UBAP2: variants seen among roughly 807,000 people sequenced by gnomAD.
UBAP2 encodes ubiquitin-associated protein 2.
A neutral mutation model predicts 139.6 loss-of-function variants in UBAP2; 75 were observed. The ratio of observed to expected loss-of-function variants is 0.54; its 90% CI spans 0.45 to 0.65. The LOEUF is 0.65. UBAP2 is among the 30% of genes least tolerant of loss of function. The pLI is 0.00. For missense variants in UBAP2, 1,368 were observed against 1,369.6 expected (o/e 1.00, Z 0.02); for synonymous variants, 526 against 526.2 (o/e 1.00, Z 0.01).
intron 1 of UBAP2, among the ~76,000 whole-genome samples, chr9:34,038,567 T>C (rs1826685534): frequency 6.6e-6 from 1 of 152,210 alleles, no homozygotes; most frequent in Non-Finnish European, 1.5e-5. Context: ...TTGCAGACAG[T>C]GTCTCATTAA....
In UBAP2 at chr9:33,944,415, G is replaced by C; in HGVS notation, c.1495C>G (p.Gln499Glu). ...TTAGCAAGTTTGATGTGTTTGGGCTGTGGCTGGTGGACAGACACAGAGATA... is the reference window on the plus strand; with the variant it reads ...TTAGCAAGTTTGATGTGTTTGGGCTCTGGCTGGTGGACAGACACAGAGATA... ...ENISVSVHQP[Q>E]PKHIKLAKRR... Residue 499 changes from glutamine to glutamate, a missense_variant, in exon 14 of 29, where the codon CAG becomes GAG. Transcript: ENST00000379238. 1 of 1,614,192 alleles carries C rather than the reference G, an allele frequency of 6.2e-7. No individual in the cohort carries two copies. Among genetic ancestry groups the C allele is most frequent in the Non-Finnish European group, 8.5e-7 (1 of 1,180,030 alleles).
intron 9 of UBAP2, among the ~76,000 whole-genome samples, chr9:33,962,650 A>C: frequency 8.0e-6 from 1 of 125,326 alleles, no homozygotes; most frequent in Non-Finnish European, 1.6e-5. Context: ...TCTCAAAAAT[A>C]AATAAATAAA....
At chr9:33,945,671 C>T (rs1426064254) in intron 13 of UBAP2, among the ~76,000 whole-genome samples, 1 of 152,152 alleles carries the variant, frequency 6.6e-6, no homozygotes, top group African/African-American at 2.4e-5. Flanking sequence ...GACAGACAGA[C>T]AGACATATAT....
intron 6 of UBAP2, among the ~76,000 whole-genome samples, chr9:33,979,208 AG>A (rs1176966764): frequency 6.6e-6 from 1 of 152,244 alleles, no homozygotes; most frequent in East Asian, 1.9e-4. Context: ...ACTGTACTCC[AG>A]GATGGGTAAC....
At position 33,923,044 on chromosome 9, in the gene UBAP2, AAGCAGTTGTTCCCCAC is replaced by A. The variant is rs766142271; in HGVS notation, c.3005-27_3005-12del. ...AAGACACTGATACTCCTAGGAGGAA[AAGCAGTTGTTCCCCAC>A]AGCAGTTGTTCCCAGCTCCAGGCTC... On this transcript the variant is annotated splice_polypyrimidine_tract_variant and intron_variant, in intron 26 of 28. Coordinates refer to ENST00000379238, the MANE Select transcript of UBAP2 (RefSeq NM_001370062.2). 20 of 1,613,898 alleles carry A rather than the reference AAGCAGTTGTTCCCCAC, an allele frequency of 1.2e-5. No individual in the cohort carries two copies. Among genetic ancestry groups the A allele is most frequent in the East Asian group, 4.5e-5 (2 of 44,880 alleles).
Position 33,944,506 on chromosome 9 carries a change from T to G in UBAP2, c.1404A>C (p.Ser468=). The G allele has an allele frequency of 6.2e-7, 1 of 1,614,084 alleles. No homozygotes were observed. Among genetic ancestry groups the G allele is most frequent in the Non-Finnish European group, 8.5e-7 (1 of 1,180,018 alleles). The change falls in exon 14 of 29, where the codon TCA becomes TCC. Residue 468 remains serine (S), a synonymous_variant. Transcript: ENST00000379238. ...SFPSQAKLRE[S]TPGDSPSTVN... ...CAGTGGAGGGACTGTCTCCAGGTGTTGATTCTCGAAGTTTTGCCTGGGAAG... is the reference window on the plus strand; with the variant it reads ...CAGTGGAGGGACTGTCTCCAGGTGTGGATTCTCGAAGTTTTGCCTGGGAAG...
At chr9:33,923,661 T>C in intron 24 of UBAP2, 134 bp downstream of exon 24, 2 of 1,108,580 alleles carry the variant, frequency 1.8e-6, no homozygotes, top group East Asian at 4.8e-5. Flanking sequence ...GTCCCCAGCC[T>C]GAACAGTTTC....
At chr9:33,938,498 A>C (rs769067015) in intron 16 of UBAP2, among the ~76,000 whole-genome samples, 1 of 152,186 alleles carries the variant, frequency 6.6e-6, no homozygotes, top group African/African-American at 2.4e-5. Context: ...ATGTTGAAAC[A>C]AAAACAGCTT....
chr9:34,027,804 G>A lies in UBAP2; in HGVS notation c.-41-10615C>T, dbSNP rs563073139. On this transcript the variant is annotated intron_variant, in intron 1 of 28. Transcript: ENST00000379238. ...TGAACCTGGGAGGCAAGAGCTTGCA[G>A]TGAGCCGAGATTGCACCACTGCACT... 2.2e-3 allele frequency among the ~76,000 whole-genome samples: 339 copies of A among 150,810 alleles called. 2 individuals are homozygous for A. Among genetic ancestry groups the A allele is most frequent in the African/African-American group, 7.5e-3 (308 of 41,020 alleles).
intron 1 of UBAP2, among the ~76,000 whole-genome samples, chr9:34,025,037 C>T (rs1452079463): frequency 2.0e-5 from 3 of 151,774 alleles, no homozygotes; most frequent in Non-Finnish European, 4.4e-5. Flanking sequence ...AAGGTAAAAG[C>T]GTAAGTTACC....
At chr9:34,035,135 C>T (rs1826219160) in intron 1 of UBAP2, among the ~76,000 whole-genome samples, 1 of 152,072 alleles carries the variant, frequency 6.6e-6, no homozygotes, top group Non-Finnish European at 1.5e-5. Flanking sequence ...ATGCTACTCC[C>T]TAGGTCACCA....
intron 1 of UBAP2, among the ~76,000 whole-genome samples, chr9:34,017,687 G>A (rs571686069): frequency 1.3e-5 from 2 of 152,216 alleles, no homozygotes; most frequent in East Asian, 3.9e-4. Context: ...AGCAATTCAC[G>A]AGGCCGAGGC....
Position 33,923,445 on chromosome 9 carries a change from T to C in UBAP2, c.2830A>G (p.Asn944Asp), listed in dbSNP as rs756256310. ...AAGGGAGGTGTGGGAGTGCTGAGGT[T>C]CACCCCATGTTGCTTGGCTGAGGCT... Reference protein sequence around the residue: ...PPASAKQHGVNLSTPTPPFQQ... With the variant: ...PPASAKQHGVDLSTPTPPFQQ... The change falls in exon 25 of 29, where the codon AAC (asparagine) becomes GAC (aspartate). Residue 944 changes from asparagine (N) to aspartate (D), a missense_variant. Coordinates refer to ENST00000379238, the MANE Select transcript of UBAP2 (RefSeq NM_001370062.2). 8 of 1,614,114 alleles carry C rather than the reference T, an allele frequency of 5.0e-6. No homozygotes were observed. In the South Asian group the frequency reaches 8.8e-5, roughly 18 times the overall value.
intron 8 of UBAP2, chr9:33,968,166 G>T (rs532040698): frequency 5.7e-5 from 34 of 599,448 alleles, no homozygotes; most frequent in African/African-American, 5.4e-4. Flanking sequence ...AATAGAAGAA[G>T]AAATCTACTG....
intron 2 of UBAP2, among the ~76,000 whole-genome samples, chr9:33,999,339 C>CT (rs1366807451): frequency 6.7e-6 from 1 of 149,570 alleles, no homozygotes; most frequent in Non-Finnish European, 1.5e-5. Flanking sequence ...AAAAAAAAGG[C>CT]TTAAAAAGTA....
intron 4 of UBAP2, among the ~76,000 whole-genome samples, chr9:33,993,030 T>G (rs1821852939): frequency 6.6e-6 from 1 of 152,222 alleles, no homozygotes; most frequent in African/African-American, 2.4e-5. Flanking sequence ...GTACATTAAT[T>G]CAAGAGACCG....
At chr9:34,023,902 G>A (rs1825174605) in intron 1 of UBAP2, among the ~76,000 whole-genome samples, 1 of 152,094 alleles carries the variant, frequency 6.6e-6, no homozygotes, top group Non-Finnish European at 1.5e-5. Context: ...AAATTAGCCG[G>A]GCATGGTGGC....
chr9:34,040,299 G>C (rs894394045), intron 1 of UBAP2, among the ~76,000 whole-genome samples: 1 of 136,908 alleles, frequency 7.3e-6, no homozygotes, highest in Non-Finnish European at 1.5e-5. Context: ...ACTCCAGCCT[G>C]GGTGACAGAA....
chr9:33,947,981 C>CAAAA (rs34296980), intron 13 of UBAP2, among the ~76,000 whole-genome samples: 3 of 80,604 alleles, frequency 3.7e-5, no homozygotes, highest in Non-Finnish European at 7.2e-5. Context: ...GACCCCATCT[C>CAAAA]AAAAAAAAAA....
Sources: gnomAD v4.1 joint callset for allele counts (sites outside exome capture counted in the v4.1 genomes callset) on GRCh38, gnomAD v4.1.1 for gene constraint, MANE v1.5 for transcripts, NCBI Gene and HGNC (gene_info 2026-07-23, HGNC 2026-07-21) for gene names.